The following TMEM116 variants were observed in gnomAD, a reference collection of about 807,000 sequenced individuals.
TMEM116 encodes transmembrane protein 116.
In TMEM116, 38 loss-of-function variants were observed where a neutral mutation model predicts 44.3. That is an observed-to-expected ratio of 0.86 (90% confidence interval 0.66 to 1.12). The LOEUF (loss-of-function observed/expected upper bound fraction) is 1.12. TMEM116 is among the 50% of genes most tolerant of loss of function. The probability of loss-of-function intolerance (pLI) is 0.00; values close to 1 mark genes in which losing one functional copy is unlikely to be tolerated. For missense variants in TMEM116, 354 were observed against 401.7 expected (o/e 0.88, Z 1.01); for synonymous variants, 132 against 144.8 (o/e 0.91, Z 0.64).
chr12:111,947,840 T>G (rs1329095775), intron 4 of TMEM116, among the ~76,000 whole-genome samples: 2 of 152,178 alleles, frequency 1.3e-5, no homozygotes, highest in African/African-American at 4.8e-5. Flanking sequence ...TCTGCAAAAC[T>G]GCTAATCAAG....
intron 1 of TMEM116, among the ~76,000 whole-genome samples, chr12:112,009,575 C>CGCCTG (rs1331083862): frequency 7.4e-5 from 11 of 149,564 alleles, no homozygotes; most frequent in Admixed American, 6.6e-4. Context: ...CAGTGGGTCA[C>CGCCTG]GCCTGTAATC....
intron 3 of TMEM116, among the ~76,000 whole-genome samples, chr12:111,997,932 T>C (rs2077021059): frequency 6.6e-6 from 1 of 152,244 alleles, no homozygotes; most frequent in Non-Finnish European, 1.5e-5. Flanking sequence ...TCATAGATTC[T>C]ACTGGCTTAT....
At chr12:111,941,900 A>G (rs2072853779) in intron 5 of TMEM116, among the ~76,000 whole-genome samples, 1 of 152,190 alleles carries the variant, frequency 6.6e-6, no homozygotes, top group Non-Finnish European at 1.5e-5. Context: ...TGGAAGGGAC[A>G]TTAAAGATCA....
chr12:111,975,147 C>T (rs886124671), intron 4 of TMEM116, among the ~76,000 whole-genome samples: 1 of 152,126 alleles, frequency 6.6e-6, no homozygotes, highest in Non-Finnish European at 1.5e-5. Flanking sequence ...AACTGACAAG[C>T]GATATCTGTT....
intron 3 of TMEM116, among the ~76,000 whole-genome samples, chr12:111,999,031 C>A (rs1482371284): frequency 6.6e-6 from 1 of 151,912 alleles, no homozygotes; most frequent in Non-Finnish European, 1.5e-5. Flanking sequence ...AAATTCTACC[C>A]CTCCTATGTA....
At chr12:112,013,210 C>T (rs914537656), upstream of TMEM116, 18 of 430,854 alleles carry the variant, frequency 4.2e-5, no homozygotes, top group East Asian at 6.5e-4. Context: ...CGCGCAGGAG[C>T]CCATTTTCCC....
At chr12:111,970,266 A>C (rs2075254024) in intron 4 of TMEM116, among the ~76,000 whole-genome samples, 3 of 151,552 alleles carry the variant, frequency 2.0e-5, no homozygotes, top group Admixed American at 2.0e-4. Context: ...CCTGGGTGAC[A>C]GAGCATGACT....
intron 1 of TMEM116, chr12:112,005,827 T>A: frequency 1.1e-6 from 1 of 871,312 alleles, no homozygotes; most frequent in Non-Finnish European, 1.4e-6. Flanking sequence ...AAAGATAGAC[T>A]AGTAAAACAG....
At chr12:111,945,431 G>A (rs1021042347) in intron 4 of TMEM116, among the ~76,000 whole-genome samples, 19 of 150,458 alleles carry the variant, frequency 1.3e-4, no homozygotes, top group Admixed American at 2.0e-4. Flanking sequence ...CATTGTATCT[G>A]TTAGATTTTT....
At chr12:111,933,490 T>C (rs1269271227) in intron 9 of TMEM116, among the ~76,000 whole-genome samples, 6 of 132,722 alleles carry the variant, frequency 4.5e-5, no homozygotes, top group Admixed American at 3.8e-4. Flanking sequence ...GCCATCCTTC[T>C]TTTTTTTTTT....
At chr12:111,951,669 G>A (rs897202310) in intron 4 of TMEM116, among the ~76,000 whole-genome samples, 1 of 152,140 alleles carries the variant, frequency 6.6e-6, no homozygotes, top group Non-Finnish European at 1.5e-5. Context: ...TCAGAGAATG[G>A]AGGGTGGAAG....
At chr12:111,969,306 G>C (rs1210233123) in intron 4 of TMEM116, among the ~76,000 whole-genome samples, 1 of 140,254 alleles carries the variant, frequency 7.1e-6, no homozygotes, top group African/African-American at 2.7e-5. Flanking sequence ...GGCAACAAGA[G>C]CGACGCTCCA....
intron 4 of TMEM116, among the ~76,000 whole-genome samples, chr12:111,974,685 A>G (rs1028488927): frequency 7.9e-5 from 12 of 151,554 alleles, no homozygotes; most frequent in African/African-American, 2.4e-4. Context: ...AAAAGAAATA[A>G]AAGGCATCCA....
chr12:111,978,823 A>G, intron 4 of TMEM116: 1 of 422,258 alleles, frequency 2.4e-6, no homozygotes, highest in South Asian at 1.7e-5. Context: ...TAAGTCACAC[A>G]TTGTATGGTA....
intron 4 of TMEM116, chr12:111,978,862 C>T: frequency 2.7e-6 from 1 of 375,536 alleles, no homozygotes; most frequent in Non-Finnish European, 5.4e-6. Context: ...AACTAAGACA[C>T]CATGCAGACA....
chr12:112,005,100 G>T (rs1318359505), intron 2 of TMEM116, among the ~76,000 whole-genome samples, 157 bp downstream of exon 2: 1 of 152,138 alleles, frequency 6.6e-6, no homozygotes, highest in Middle Eastern at 3.2e-3. Context: ...TGTTAATGTT[G>T]TCACTTTATT....
intron 4 of TMEM116, among the ~76,000 whole-genome samples, chr12:111,947,976 C>T (rs2073413320): frequency 6.6e-6 from 1 of 152,074 alleles, no homozygotes; most frequent in Non-Finnish European, 1.5e-5. Context: ...TTTTTAAAAC[C>T]TTGTTGTTTT....
intron 4 of TMEM116, among the ~76,000 whole-genome samples, chr12:111,953,501 T>C (rs1236544431): frequency 6.6e-6 from 1 of 152,156 alleles, no homozygotes; most frequent in Non-Finnish European, 1.5e-5. Flanking sequence ...GAGGTTCTCA[T>C]GCACATATGC....
chr12:111,945,446 A>G (rs2073195514), intron 4 of TMEM116, among the ~76,000 whole-genome samples: 1 of 151,562 alleles, frequency 6.6e-6, no homozygotes, highest in Non-Finnish European at 1.5e-5. Flanking sequence ...ATTTTTTTTC[A>G]GCCCTCATAG....
Sources: allele counts gnomAD v4.1 joint callset (sites outside exome capture counted in the v4.1 genomes callset), GRCh38; gene constraint gnomAD v4.1.1; transcripts MANE v1.5; gene names NCBI Gene and HGNC (gene_info 2026-07-23, HGNC 2026-07-21).